EFCAB6: variants seen among roughly 807,000 people sequenced by gnomAD.
EFCAB6 encodes the protein EF-hand calcium-binding domain-containing protein 6.
EFCAB6 carries 156 observed loss-of-function variants against 169.8 expected under a neutral mutation model. The ratio of observed to expected loss-of-function variants is 0.92; its 90% CI spans 0.81 to 1.05. The LOEUF is 1.05. Ranked by LOEUF, EFCAB6 falls within the 50% of genes least tolerant of loss-of-function variation. The probability of loss-of-function intolerance (pLI) is 0.00; values close to 1 mark genes in which losing one functional copy is unlikely to be tolerated. For synonymous variants in EFCAB6, 698 were observed against 676.4 expected (o/e 1.03, Z -0.50); for missense variants, 1,800 against 1,829.1 (o/e 0.98, Z 0.29).
At chr22:43,587,145 A>T (rs1445054669) in intron 24 of EFCAB6, among the ~76,000 whole-genome samples, 2 of 152,156 alleles carry the variant, frequency 1.3e-5, no homozygotes, top group East Asian at 3.9e-4. Context: ...ACTGGGAAGC[A>T]AGCAGACCCC....
At position 43,778,662 on chromosome 22, in the gene EFCAB6, G is replaced by A. The variant is rs537840338; in HGVS notation, c.139+3518C>T. 5.9e-5 allele frequency among the ~76,000 whole-genome samples: 9 copies of A among 152,292 alleles called. No homozygotes were observed. In the South Asian group the frequency reaches 1.5e-3, roughly 25 times the overall value. ...GGGCTATAAAGCAGAGAGATCTGTGGAGTCTCACCAGTGCTCACACCTCAA... is the reference window on the plus strand; with the variant it reads ...GGGCTATAAAGCAGAGAGATCTGTGAAGTCTCACCAGTGCTCACACCTCAA... On this transcript the variant is annotated intron_variant, in intron 3 of 31. Transcript: ENST00000262726.
intron 20 of EFCAB6, among the ~76,000 whole-genome samples, chr22:43,618,704 T>C (rs933549204): frequency 6.6e-6 from 1 of 152,184 alleles, no homozygotes; most frequent in Admixed American, 6.5e-5. Context: ...TAGGATAGGA[T>C]GGAGGGCCTC....
At chr22:43,793,380 C>A (rs139975147) in intron 2 of EFCAB6, among the ~76,000 whole-genome samples, 3 of 152,110 alleles carry the variant, frequency 2.0e-5, no homozygotes, top group Non-Finnish European at 2.9e-5. Flanking sequence ...AGATCTGGAT[C>A]GTTCTGAAAA....
chr22:43,680,810 C>G (rs1249142123), intron 12 of EFCAB6, among the ~76,000 whole-genome samples: 1 of 152,142 alleles, frequency 6.6e-6, no homozygotes, highest in Admixed American at 6.6e-5. Flanking sequence ...ATTTCTGCAA[C>G]CTTATAAATT....
At chr22:43,618,533 G>A (rs2053900167) in intron 20 of EFCAB6, among the ~76,000 whole-genome samples, 1 of 152,150 alleles carries the variant, frequency 6.6e-6, no homozygotes, top group South Asian at 2.1e-4. Flanking sequence ...GCTGATGGAG[G>A]GAGAAATCAA....
At chr22:43,647,624 T>C (rs1401097152) in intron 17 of EFCAB6, among the ~76,000 whole-genome samples, 1 of 152,138 alleles carries the variant, frequency 6.6e-6, no homozygotes, top group East Asian at 1.9e-4. Flanking sequence ...GTCTTTTCAG[T>C]TGGAATCAAG....
At chr22:43,756,119 A>G (rs547078728) in intron 5 of EFCAB6, among the ~76,000 whole-genome samples, 1 of 152,172 alleles carries the variant, frequency 6.6e-6, no homozygotes, top group African/African-American at 2.4e-5. Flanking sequence ...TCTGTGTCCC[A>G]AGCCTTCACA....
chr22:43,779,896 G>A (rs988019350), intron 3 of EFCAB6, among the ~76,000 whole-genome samples: 11 of 152,226 alleles, frequency 7.2e-5, no homozygotes, highest in African/African-American at 2.6e-4. Context: ...GCTCATACTA[G>A]TCACTAAAAA....
At chr22:43,601,686 G>T (rs948443866) in intron 22 of EFCAB6, among the ~76,000 whole-genome samples, 1 of 152,226 alleles carries the variant, frequency 6.6e-6, no homozygotes, top group Non-Finnish European at 1.5e-5. Flanking sequence ...TATTGACCAC[G>T]TTCTTGTCCT....
At chr22:43,570,401 A>T (rs1410061606) in intron 26 of EFCAB6, among the ~76,000 whole-genome samples, 1 of 152,200 alleles carries the variant, frequency 6.6e-6, no homozygotes, top group East Asian at 1.9e-4. Flanking sequence ...AAGAAACTGA[A>T]ATTGCACTTT....
chr22:43,766,361 A>G (rs879692135), intron 4 of EFCAB6, among the ~76,000 whole-genome samples: 3 of 152,030 alleles, frequency 2.0e-5, no homozygotes, highest in Admixed American at 6.6e-5. Flanking sequence ...ATATATATAT[A>G]TGTGTACATT....
At chr22:43,720,218 G>C (rs2059473434) in intron 8 of EFCAB6, among the ~76,000 whole-genome samples, 2 of 152,042 alleles carry the variant, frequency 1.3e-5, no homozygotes. Flanking sequence ...TTCAAGGAAA[G>C]GAAAGGAGAG....
At chr22:43,591,447 ACT>A (rs1372694041) in intron 23 of EFCAB6, among the ~76,000 whole-genome samples, 6 of 144,046 alleles carry the variant, frequency 4.2e-5, no homozygotes, top group East Asian at 2.0e-4. Context: ...ACAGAGCAAG[ACT>A]CTGTCTTATA....
At chr22:43,805,736 A>G (rs2062894239) in intron 2 of EFCAB6, among the ~76,000 whole-genome samples, 1 of 152,266 alleles carries the variant, frequency 6.6e-6, no homozygotes, top group Admixed American at 6.5e-5. Context: ...AAAGACAAAT[A>G]TCTCAGGTGA....
chr22:43,667,188 C>T lies in EFCAB6; in HGVS notation c.1899G>A (p.Gln633=), dbSNP rs2057301914. ...EVIEKFKKCI[Q]QQDPAFKKRF... ...GTTTTTTGAATGCCGGGTCCTGCTG[C>T]TGTATACACTTTTTGAATTTTTCAA... Residue 633 remains glutamine (Q), a synonymous_variant, in exon 17 of 32, where the codon CAG becomes CAA. Coordinates refer to ENST00000262726, the MANE Select transcript of EFCAB6 (RefSeq NM_022785.4). 4.3e-6 allele frequency: 7 copies of T among 1,614,164 alleles called. No homozygotes were observed. The highest frequency in any genetic ancestry group is 5.9e-6 in the Non-Finnish European group (7 of 1,180,014).
At chr22:43,583,926 T>C (rs1291120838) in intron 24 of EFCAB6, among the ~76,000 whole-genome samples, 1 of 152,170 alleles carries the variant, frequency 6.6e-6, no homozygotes, top group Non-Finnish European at 1.5e-5. Flanking sequence ...ATTGGTGTAA[T>C]CTACAAGAGA....
chr22:43,589,195 T>C (rs967600234), intron 24 of EFCAB6, among the ~76,000 whole-genome samples: 1 of 143,278 alleles, frequency 7.0e-6, no homozygotes, highest in South Asian at 2.2e-4. Flanking sequence ...GGTGGGCAGA[T>C]CACAAGGTCA....
At chr22:43,562,243 G>A (rs2147130375) in intron 26 of EFCAB6, among the ~76,000 whole-genome samples, 1 of 152,240 alleles carries the variant, frequency 6.6e-6, no homozygotes, top group Admixed American at 6.5e-5. Context: ...CTACCAGAAG[G>A]AAAATTCTTG....
intron 7 of EFCAB6, among the ~76,000 whole-genome samples, chr22:43,732,774 C>A (rs9626016): frequency 0.04 from 6,148 of 152,086 alleles, 438 homozygotes; most frequent in African/African-American, 0.14. Flanking sequence ...GCCGAGATAA[C>A]CTTTTTTTAA....
Sources: allele counts gnomAD v4.1 joint callset (sites outside exome capture counted in the v4.1 genomes callset), GRCh38; gene constraint gnomAD v4.1.1; transcripts MANE v1.5; gene names NCBI Gene and HGNC (gene_info 2026-07-23, HGNC 2026-07-21).